ZFYVE16: variants seen among roughly 807,000 people sequenced by gnomAD.
The protein encoded by ZFYVE16 is zinc finger FYVE domain-containing protein 16.
Under a neutral mutation model 138.1 loss-of-function variants are expected in ZFYVE16, and 89 were observed. That is an observed-to-expected ratio of 0.64 (90% CI 0.54 to 0.77). The LOEUF (loss-of-function observed/expected upper bound fraction) is 0.77. Ranked by LOEUF, ZFYVE16 falls within the 30% of genes least tolerant of loss-of-function variation. The probability of loss-of-function intolerance (pLI) is 0.00; values close to 1 mark genes in which losing one functional copy is unlikely to be tolerated. For synonymous variants in ZFYVE16, 596 were observed against 618.3 expected, an observed-to-expected ratio of 0.96 and a Z score of 0.53; for missense variants, 1,793 against 1,786.7, an observed-to-expected ratio of 1.00 and a Z score of -0.06.
chr5:80,451,459 C>CT, intron 10 of ZFYVE16, 26 bp from the exon 11 acceptor site: 1 of 1,549,302 alleles, frequency 6.5e-7, no homozygotes, highest in Non-Finnish European at 8.8e-7. Context: ...AACTTAAAAT[C>CT]TTTTTACTAA....
chr5:80,438,651 C>G lies in ZFYVE16; in HGVS notation c.1966C>G (p.Pro656Ala). Residue 656 changes from proline (P) to alanine (A), a missense_variant, in exon 4 of 19, where the codon CCA becomes GCA. By Grantham distance (27) the Pro-to-Ala change is conservative. Transcript: ENST00000505560. ...CAGACCTAAGCAATTGTTTAGCCTTCCATCAAGAACAAGGAGTTCAAAGGA... is the reference window on the plus strand; with the variant it reads ...CAGACCTAAGCAATTGTTTAGCCTTGCATCAAGAACAAGGAGTTCAAAGGA... ...GARPKQLFSLPSRTRSSKDLN... is the reference protein window; with the variant it reads ...GARPKQLFSLASRTRSSKDLN... 1 of 1,614,022 alleles carries G rather than the reference C, an allele frequency of 6.2e-7. No individual in the cohort carries two copies. The highest frequency in any genetic ancestry group is 8.5e-7 in the Non-Finnish European group (1 of 1,179,974).
chr5:80,409,143 T>C, intron 1 of ZFYVE16, among the ~76,000 whole-genome samples: 1 of 151,768 alleles, frequency 6.6e-6, no homozygotes, highest in East Asian at 1.9e-4. Context: ...AGTCTTTTTT[T>C]CCCCTGTGCA....
intron 15 of ZFYVE16, among the ~76,000 whole-genome samples, chr5:80,468,992 G>A (rs1020935840): frequency 6.6e-6 from 1 of 151,760 alleles, no homozygotes; most frequent in Admixed American, 6.6e-5. Context: ...TACCTTTTAA[G>A]AAGTGAACTT....
intron 2 of ZFYVE16, among the ~76,000 whole-genome samples, chr5:80,430,699 G>A (rs142410200): frequency 0.016 from 2,453 of 152,144 alleles, 59 homozygotes; most frequent in African/African-American, 0.054. Context: ...TAGCAAGACT[G>A]ATAAAGAACA....
intron 1 of ZFYVE16, among the ~76,000 whole-genome samples, chr5:80,422,219 A>G (rs1219654072): frequency 6.6e-6 from 1 of 152,120 alleles, no homozygotes; most frequent in Non-Finnish European, 1.5e-5. Context: ...GGTTTTCTAT[A>G]TGGGGTTTTC....
At chr5:80,423,885 A>T (rs1747602561) in intron 1 of ZFYVE16, among the ~76,000 whole-genome samples, 2 of 151,290 alleles carry the variant, frequency 1.3e-5, no homozygotes, top group African/African-American at 4.9e-5. Context: ...GGCCAAAATT[A>T]TTTTTGTTTT....
At chr5:80,430,112 C>A (rs930766842) in intron 2 of ZFYVE16, among the ~76,000 whole-genome samples, 6 of 152,184 alleles carry the variant, frequency 3.9e-5, no homozygotes, top group African/African-American at 1.2e-4. Context: ...ACCGAACTCT[C>A]CACCCCAAAT....
intron 14 of ZFYVE16, 103 bp from the exon 15 acceptor site, chr5:80,459,311 C>T: frequency 1.2e-6 from 1 of 812,528 alleles, no homozygotes; most frequent in Non-Finnish European, 1.9e-6. Flanking sequence ...GTGGGTATAA[C>T]ATTTATTGAG....
intron 13 of ZFYVE16, 118 bp downstream of exon 13, chr5:80,456,683 A>G (rs985126260): frequency 2.2e-6 from 2 of 923,212 alleles, no homozygotes; most frequent in South Asian, 1.9e-5. Flanking sequence ...GGCAACAAAC[A>G]TTGTTTTTGA....
intron 2 of ZFYVE16, 58 bp from the exon 3 acceptor site, chr5:80,434,051 A>T (rs573856632): frequency 1.7e-6 from 2 of 1,147,820 alleles, no homozygotes; most frequent in East Asian, 5.1e-5. Flanking sequence ...CATGGAATAC[A>T]TGGCATAAAA....
At position 80,482,018 on chromosome 5, in the gene ZFYVE16, A is replaced by G. The variant is rs1755290433; in HGVS notation, c.*4641A>G. On this transcript the variant is annotated 3_prime_UTR_variant, in exon 19 of 19. Coordinates refer to ENST00000505560, the MANE Select transcript of ZFYVE16 (RefSeq NM_001284236.3). ...GTATTTTTAATAGAGACAGAGTTTC[A>G]CCACGTTGGCCAGGCTGGTCTCAAA... 6.6e-6 allele frequency among the ~76,000 whole-genome samples: 1 copy of G among 152,144 alleles called. No individual in the cohort carries two copies. The highest frequency in any genetic ancestry group is 1.5e-5 in the Non-Finnish European group (1 of 68,026).
In ZFYVE16 at chr5:80,448,039, T is replaced by TG. The variant is rs1751577797; in HGVS notation, c.2740dup (p.Asp914GlyfsTer14). On this transcript the variant is annotated frameshift_variant, in exon 8 of 19. Coordinates refer to ENST00000505560, the MANE Select transcript of ZFYVE16 (RefSeq NM_001284236.3). LOFTEE classifies it high-confidence loss of function. ...CATATTTTACAGACAGTAAACACAG[T>TG]GGATCATTCCCATTCTACTACAGTG... 6.2e-7 allele frequency: 1 copy of TG among 1,603,650 alleles called. No individual in the cohort carries two copies. The highest frequency in any genetic ancestry group is 2.2e-5 in the East Asian group (1 of 44,740).
intron 10 of ZFYVE16, 121 bp downstream of exon 10, chr5:80,450,707 C>A: frequency 1.1e-6 from 1 of 929,442 alleles, no homozygotes; most frequent in Non-Finnish European, 1.5e-6. Flanking sequence ...TTGCTGATTT[C>A]TGAAAATAGC....
At chr5:80,414,304 T>C (rs1224713602) in intron 1 of ZFYVE16, among the ~76,000 whole-genome samples, 1 of 152,212 alleles carries the variant, frequency 6.6e-6, no homozygotes, top group Non-Finnish European at 1.5e-5. Context: ...GATGGGTTGC[T>C]CTCTAGGCCT....
chr5:80,410,622 G>C (rs895659178), intron 1 of ZFYVE16, among the ~76,000 whole-genome samples: 1 of 151,842 alleles, frequency 6.6e-6, no homozygotes, highest in Non-Finnish European at 1.5e-5. Context: ...CCAGGCTGGA[G>C]TGCAGTGGCG....
intron 1 of ZFYVE16, among the ~76,000 whole-genome samples, chr5:80,425,039 C>G (rs1747790301): frequency 6.6e-6 from 1 of 152,126 alleles, no homozygotes; most frequent in Non-Finnish European, 1.5e-5. Flanking sequence ...ATGTGGATTT[C>G]TCTTTGTATC....
At chr5:80,453,421 A>G (rs1236137076) in intron 11 of ZFYVE16, among the ~76,000 whole-genome samples, 1 of 152,230 alleles carries the variant, frequency 6.6e-6, no homozygotes, top group Admixed American at 6.5e-5. Flanking sequence ...ATTATGGAAC[A>G]TGTAAGTATG....
chr5:80,477,083 A>G (rs913841144), intron 18 of ZFYVE16, 136 bp from the exon 19 acceptor site: 20 of 712,988 alleles, frequency 2.8e-5, no homozygotes, highest in Admixed American at 1.1e-4. Context: ...AGAATGTAGA[A>G]TTTTTTTATA....
At chr5:80,474,962 C>A in intron 18 of ZFYVE16, 132 bp downstream of exon 18, 1 of 941,748 alleles carries the variant, frequency 1.1e-6, no homozygotes, top group Non-Finnish European at 1.5e-6. Flanking sequence ...ACACACTTCA[C>A]ATATATTATC....
Sources: gnomAD v4.1 joint callset for allele counts (sites outside exome capture counted in the v4.1 genomes callset) on GRCh38, gnomAD v4.1.1 for gene constraint, MANE v1.5 for transcripts, NCBI Gene and HGNC (gene_info 2026-07-23, HGNC 2026-07-21) for gene names.